The following CTNNA3 variants were observed in gnomAD, a reference collection of about 807,000 sequenced individuals.
CTNNA3 encodes the protein catenin alpha-3.
CTNNA3 carries 76 observed loss-of-function variants against 95.7 expected under a neutral mutation model. The ratio of observed to expected loss-of-function variants is 0.79; its 90% CI spans 0.66 to 0.96. The LOEUF (loss-of-function observed/expected upper bound fraction) is 0.96. Ranked by LOEUF, CTNNA3 falls within the 40% of genes least tolerant of loss-of-function variation. The pLI, the probability that CTNNA3 is intolerant of heterozygous loss-of-function variation, is 0.00. For missense variants in CTNNA3, 1,191 were observed against 1,089.8 expected, an observed-to-expected ratio of 1.09 and a Z score of -1.31; for synonymous variants, 431 against 374.4, an observed-to-expected ratio of 1.15 and a Z score of -1.74.
At chr10:67,694,021 C>A (rs1289184251) in intron 1 of CTNNA3, among the ~76,000 whole-genome samples, 1 of 152,172 alleles carries the variant, frequency 6.6e-6, no homozygotes, top group Non-Finnish European at 1.5e-5. Flanking sequence ...CAAAGATTCA[C>A]AATAAGTAAA....
intron 4 of CTNNA3, among the ~76,000 whole-genome samples, chr10:67,523,097 T>C (rs1840033799): frequency 6.6e-6 from 1 of 152,168 alleles, no homozygotes; most frequent in Non-Finnish European, 1.5e-5. Flanking sequence ...TCTACTGAAT[T>C]AAATCCCTAA....
chr10:66,174,435 T>C (rs1297888605), intron 13 of CTNNA3, among the ~76,000 whole-genome samples: 2 of 152,088 alleles, frequency 1.3e-5, no homozygotes, highest in Non-Finnish European at 2.9e-5. Flanking sequence ...TTAAATTATG[T>C]GCAAAACACT....
At chr10:67,593,912 A>C (rs893793531) in intron 3 of CTNNA3, among the ~76,000 whole-genome samples, 1 of 152,060 alleles carries the variant, frequency 6.6e-6, no homozygotes, top group African/African-American at 2.4e-5. Context: ...GATGGCTTTT[A>C]TTATTTTGAG....
At chr10:67,169,989 C>T (rs1429562508) in intron 7 of CTNNA3, among the ~76,000 whole-genome samples, 1 of 152,114 alleles carries the variant, frequency 6.6e-6, no homozygotes, top group African/African-American at 2.4e-5. Flanking sequence ...CAAAAGAAGA[C>T]ATAGATGTGG....
intron 10 of CTNNA3, among the ~76,000 whole-genome samples, chr10:66,570,424 G>T (rs1246211209): frequency 1.3e-5 from 2 of 151,990 alleles, no homozygotes; most frequent in African/African-American, 4.8e-5. Context: ...CAGTAGATGG[G>T]ATTACAGGCA....
intron 1 of CTNNA3, among the ~76,000 whole-genome samples, chr10:67,744,394 A>C (rs566524880): frequency 2.6e-5 from 4 of 151,384 alleles, no homozygotes; most frequent in East Asian, 1.9e-4. Context: ...GAAAAATGAG[A>C]AATGGGGAAA....
chr10:66,805,191 TTCTAA>T (rs2132245800), intron 7 of CTNNA3, among the ~76,000 whole-genome samples: 2 of 152,104 alleles, frequency 1.3e-5, no homozygotes, highest in African/African-American at 4.8e-5. Flanking sequence ...GACTGGATTC[TTCTAA>T]TCTTTGTCAC....
At chr10:67,225,104 C>A (rs948633853) in intron 5 of CTNNA3, among the ~76,000 whole-genome samples, 1 of 152,088 alleles carries the variant, frequency 6.6e-6, no homozygotes, top group Non-Finnish European at 1.5e-5. Context: ...GGCCAGCTTT[C>A]CCCCACTTCC....
chr10:66,515,483 TCTAC>T (rs1370172517), intron 11 of CTNNA3, among the ~76,000 whole-genome samples: 1 of 152,032 alleles, frequency 6.6e-6, no homozygotes, highest in Admixed American at 6.6e-5. Context: ...TGTCAATTGA[TCTAC>T]CTGACAAAAG....
chr10:67,163,567 C>A (rs1861640119), intron 7 of CTNNA3, among the ~76,000 whole-genome samples: 1 of 151,920 alleles, frequency 6.6e-6, no homozygotes, highest in Non-Finnish European at 1.5e-5. Flanking sequence ...GGCAACAAAG[C>A]AAGGATATCA....
chr10:67,376,221 G>C (rs1843684216), intron 5 of CTNNA3, among the ~76,000 whole-genome samples: 1 of 152,154 alleles, frequency 6.6e-6, no homozygotes, highest in Non-Finnish European at 1.5e-5. Context: ...CTTTTATCAG[G>C]AAAGCAAAAT....
rs989620647 is a variant in CTNNA3, at chr10:66,729,806, A to T, written c.1281+36458T>A. Among the ~76,000 whole-genome samples the T allele has an allele frequency of 6.6e-5, 10 of 152,288 alleles. No individual in the cohort carries two copies. In the South Asian group the frequency reaches 8.3e-4, roughly 13 times the overall value. ...AACCTAAGGAAATTTAAAAAATTTT[A>T]AAATCATTCTATTATAGGCCAGGCG... On this transcript the variant is annotated intron_variant, in intron 9 of 17. Coordinates refer to ENST00000433211, the MANE Select transcript of CTNNA3 (RefSeq NM_013266.4).
chr10:66,794,816 C>A (rs907793143), intron 7 of CTNNA3, among the ~76,000 whole-genome samples: 3 of 152,140 alleles, frequency 2.0e-5, no homozygotes, highest in Non-Finnish European at 1.5e-5. Flanking sequence ...GTAAGACATT[C>A]TAAATCCTTT....
At chr10:67,493,406 C>CA (rs1838922160) in intron 5 of CTNNA3, among the ~76,000 whole-genome samples, 2 of 151,732 alleles carry the variant, frequency 1.3e-5, no homozygotes, top group African/African-American at 4.8e-5. Context: ...CTAAAAAATA[C>CA]AAAAAATTAG....
intron 14 of CTNNA3, among the ~76,000 whole-genome samples, chr10:66,089,079 C>T (rs1030115834): frequency 6.6e-6 from 1 of 151,774 alleles, no homozygotes; most frequent in Non-Finnish European, 1.5e-5. Context: ...ATTTTGTATT[C>T]TCAGCAGTAA....
chr10:67,166,652 T>G (rs1214671756), intron 7 of CTNNA3, among the ~76,000 whole-genome samples: 1 of 152,202 alleles, frequency 6.6e-6, no homozygotes, highest in Non-Finnish European at 1.5e-5. Flanking sequence ...ACAGTCTAAC[T>G]CATCCTAGAA....
chr10:67,724,125 T>G (rs1325899428), intron 1 of CTNNA3, among the ~76,000 whole-genome samples: 1 of 152,206 alleles, frequency 6.6e-6, no homozygotes, highest in Admixed American at 6.5e-5. Context: ...CTTTTTCTTC[T>G]GCCCAGTCCC....
chr10:66,027,265 A>C (rs1013553346), intron 15 of CTNNA3, among the ~76,000 whole-genome samples: 1 of 152,162 alleles, frequency 6.6e-6, no homozygotes, highest in African/African-American at 2.4e-5. Context: ...AACACATAAG[A>C]TAGTCACACA....
At chr10:66,811,612 A>G (rs1841878975) in intron 7 of CTNNA3, among the ~76,000 whole-genome samples, 1 of 152,210 alleles carries the variant, frequency 6.6e-6, no homozygotes, top group Middle Eastern at 3.2e-3. Flanking sequence ...CCCACTCACA[A>G]AAATCCAATA....
Sources: gnomAD v4.1 joint callset for allele counts (sites outside exome capture counted in the v4.1 genomes callset) on GRCh38, gnomAD v4.1.1 for gene constraint, MANE v1.5 for transcripts, NCBI Gene and HGNC (gene_info 2026-07-23, HGNC 2026-07-21) for gene names.